The following PCBP3 variants were observed in gnomAD, a reference collection of about 807,000 sequenced individuals.
PCBP3 encodes the protein poly(rC) binding protein 3, also known as poly(rC)-binding protein 3.
PCBP3 carries 25 observed loss-of-function variants against 52.7 expected under a neutral mutation model. The observed-to-expected ratio is 0.47, with a 90% confidence interval of 0.35 to 0.66. PCBP3 has a LOEUF of 0.66. Among genes scored for constraint, PCBP3 ranks in the 30% least tolerant of loss-of-function variants. PCBP3 has a pLI of 0.01. For missense variants in PCBP3, 391 were observed against 490.3 expected (o/e 0.80, Z 1.91); for synonymous variants, 162 against 183.0 (o/e 0.89, Z 0.93).
intron 17 of PCBP3, among the ~76,000 whole-genome samples, chr21:45,940,847 T>C (rs2776402): frequency 0.34 from 45,970 of 135,620 alleles, 7,504 homozygotes; most frequent in African/African-American, 0.5. Flanking sequence ...CGCCGGCCTC[T>C]GATGTAAGGA....
Position 45,917,429 on chromosome 21 carries a change from T to C in PCBP3, c.676-159T>C. On this transcript the variant is annotated intron_variant, in intron 12 of 17. Coordinates refer to ENST00000681687, the MANE Select transcript of PCBP3 (RefSeq NM_001384156.1). This position sits in a 1 kb window ranked among gnomAD's most constrained non-coding sequence, Gnocchi z 5.3. ...GGCTCCCCTGGGGCTCCTGGTGCCC[T>C]GGGAGGGTTGGCCCTTTGTCCTAGG... The C allele has an allele frequency of 2.2e-6, 1 of 445,508 alleles. No homozygotes were observed. Among genetic ancestry groups the C allele is most frequent in the Non-Finnish European group, 4.2e-6 (1 of 237,744 alleles). The allele number at this position is 445,508 out of a possible 1,614,324, so 27.6% of individuals were successfully genotyped here. A position where few individuals can be genotyped will look rare whatever the true frequency, so the allele number is the denominator to read the frequency against.
intron 5 of PCBP3, among the ~76,000 whole-genome samples, chr21:45,876,856 T>C (rs1429417158): frequency 6.6e-6 from 1 of 151,862 alleles, no homozygotes; most frequent in Non-Finnish European, 1.5e-5. Flanking sequence ...CTAACGGGGG[T>C]ATGGCCAGAG....
rs1835998427 is a variant in PCBP3 at position 45,896,271 on chromosome 21, C to T, written c.74C>T (p.Pro25Leu). Residue 25 changes from proline to leucine, a missense_variant, in exon 6 of 18, where the codon CCT becomes CTT. Physicochemically the swap from Pro to Leu is moderately conservative, Grantham distance 98. Coordinates refer to ENST00000681687, the MANE Select transcript of PCBP3 (RefSeq NM_001384156.1). ...HSTLSTLSHH[P>L]QPQFGRRMES... ...ACCCTCAGCACCTTAAGCCACCACC[C>T]TCAGCCACAATTTGGCAGAAGGATG... 1 of 1,552,214 alleles carries T rather than the reference C, an allele frequency of 6.4e-7. No homozygotes were observed. Among genetic ancestry groups the T allele is most frequent in the Admixed American group, 2.0e-5 (1 of 51,020 alleles).
intron 4 of PCBP3, among the ~76,000 whole-genome samples, chr21:45,831,607 T>G (rs2147763370): frequency 6.6e-6 from 1 of 152,302 alleles, no homozygotes. Context: ...ACTGCACTGG[T>G]CATGTTACTG....
chr21:45,717,621 A>G (rs191215216), intron 2 of PCBP3, among the ~76,000 whole-genome samples: 1 of 152,310 alleles, frequency 6.6e-6, no homozygotes, highest in East Asian at 1.9e-4. Context: ...TTCCATTAAT[A>G]TGATGTATTG....
intron 2 of PCBP3, among the ~76,000 whole-genome samples, chr21:45,697,915 T>G (rs938722983): frequency 1.3e-5 from 2 of 152,120 alleles, no homozygotes; most frequent in Non-Finnish European, 2.9e-5. Flanking sequence ...GCCTCATAAG[T>G]GGCCAGGGGT....
intron 1 of PCBP3, among the ~76,000 whole-genome samples, chr21:45,655,500 A>G (rs2079959272): frequency 6.6e-6 from 1 of 152,188 alleles, no homozygotes; most frequent in Admixed American, 6.5e-5. Context: ...GGTATAAATT[A>G]GCATTTCTGT....
At chr21:45,909,765 C>CGG (rs2096296634) in intron 10 of PCBP3, among the ~76,000 whole-genome samples, 1 of 120,318 alleles carries the variant, frequency 8.3e-6, no homozygotes, top group African/African-American at 3.2e-5. Flanking sequence ...GATACGGACC[C>CGG]CCCCCACCCA....
rs4819149 is a variant in PCBP3 at position 45,802,296 on chromosome 21, G to A, written c.-126+46844G>A. Among the ~76,000 whole-genome samples the A allele has an allele frequency of 2.6e-4, 40 of 152,294 alleles. No homozygotes were observed. Among genetic ancestry groups the A allele is most frequent in the African/African-American group, 7.7e-4 (32 of 41,572 alleles). On this transcript the variant is annotated intron_variant, in intron 4 of 17. Coordinates refer to ENST00000681687, the MANE Select transcript of PCBP3 (RefSeq NM_001384156.1). This position sits in a 1 kb window ranked among gnomAD's most constrained non-coding sequence, Gnocchi z 5.1. ...GGTGAGCTAGCTGTCCGGCCCCTGC[G>A]TCAGCACCACCCCTTGCTGTGTTCC...
intron 1 of PCBP3, among the ~76,000 whole-genome samples, chr21:45,648,350 G>T (rs2079456751): frequency 1.3e-5 from 2 of 152,286 alleles, no homozygotes; most frequent in African/African-American, 4.8e-5. Flanking sequence ...TGCCACTTGG[G>T]TATAATTCAG....
In PCBP3 at chr21:45,880,986, C is replaced by CAAA. The variant is rs1025003735; in HGVS notation, c.11-15221_11-15220insAAA. Among the ~76,000 whole-genome samples, 11 of 152,334 alleles carry CAAA rather than the reference C, an allele frequency of 7.2e-5. No individual in the cohort carries two copies. Among genetic ancestry groups the CAAA allele is most frequent in the African/African-American group, 2.6e-4 (11 of 41,576 alleles). On this transcript the variant is annotated intron_variant, in intron 5 of 17. Coordinates refer to ENST00000681687, the MANE Select transcript of PCBP3 (RefSeq NM_001384156.1). The surrounding 1 kb of genome is among the most constrained non-coding windows in gnomAD (Gnocchi z 5.4). ...AGCTCACTGGCAGCGTCAGGCAGCT[C>CAAA]ATGCCCAGCCAAGTGCTCCTGAGTG...
At position 45,928,360 on chromosome 21, in the gene PCBP3, G is replaced by C. The variant is rs2075753915; in HGVS notation, c.718-1557G>C. Among the ~76,000 whole-genome samples, 1 of 152,088 alleles carries C rather than the reference G, an allele frequency of 6.6e-6. No homozygotes were observed. Among genetic ancestry groups the C allele is most frequent in the Non-Finnish European group, 1.5e-5 (1 of 67,996 alleles). ...CCCCCAGCCCAGACCTGGCTGCAAG[G>C]CCAGGGGTTGGGGAGGGGCAGGGCT... On this transcript the variant is annotated intron_variant, in intron 13 of 17. Coordinates refer to ENST00000681687, the MANE Select transcript of PCBP3 (RefSeq NM_001384156.1). This position sits in a 1 kb window ranked among gnomAD's most constrained non-coding sequence, Gnocchi z 4.1.
intron 2 of PCBP3, among the ~76,000 whole-genome samples, chr21:45,683,769 A>G (rs1266572521): frequency 1.3e-5 from 2 of 152,064 alleles, no homozygotes; most frequent in Admixed American, 6.5e-5. Context: ...TACTAAAAAT[A>G]CAAAAAATGA....
At chr21:45,713,922 C>G (rs1019348637) in intron 2 of PCBP3, among the ~76,000 whole-genome samples, 1 of 152,232 alleles carries the variant, frequency 6.6e-6, no homozygotes, top group Non-Finnish European at 1.5e-5. Flanking sequence ...GTTGCCAGGA[C>G]AGCTAGGGGT....
chr21:45,890,515 G>C (rs537174401), intron 5 of PCBP3, among the ~76,000 whole-genome samples: 1 of 151,580 alleles, frequency 6.6e-6, no homozygotes, highest in African/African-American at 2.4e-5. Context: ...CTGCACTGCT[G>C]AGGGGAATGT....
At chr21:45,897,200 C>A (rs183783642) in intron 6 of PCBP3, among the ~76,000 whole-genome samples, 2 of 152,344 alleles carry the variant, frequency 1.3e-5, no homozygotes, top group African/African-American at 4.8e-5. Flanking sequence ...CAAACAGGGA[C>A]CTTCTCCAGC....
Position 45,724,164 on chromosome 21 carries a change from G to A in PCBP3, c.-199-11228G>A, listed in dbSNP as rs893623786. Among the ~76,000 whole-genome samples, 1 of 152,164 alleles carries A rather than the reference G, an allele frequency of 6.6e-6. No individual in the cohort carries two copies. Among genetic ancestry groups the A allele is most frequent in the African/African-American group, 2.4e-5 (1 of 41,454 alleles). On this transcript the variant is annotated intron_variant, in intron 2 of 17. Transcript: ENST00000681687. This position sits in a 1 kb window ranked among gnomAD's most constrained non-coding sequence, Gnocchi z 5.3. The stretch of plus-strand genomic sequence containing the variant: ...CTTCCTGTGGCCTATTTAGGTTTTA[G>A]GTAAAAACATAGCATTTGCTCATTT...
At chr21:45,750,395 A>AGC (rs2087334344) in intron 3 of PCBP3, 2 of 87,686 alleles carry the variant, frequency 2.3e-5, no homozygotes, top group East Asian at 5.1e-4. Context: ...CTGGGAGCAG[A>AGC]CCCCCCCCCC....
chr21:45,782,391 G>T (rs1430506759), intron 4 of PCBP3, among the ~76,000 whole-genome samples: 1 of 152,066 alleles, frequency 6.6e-6, no homozygotes, highest in Admixed American at 6.5e-5. Context: ...GAAACATATA[G>T]GATCTGAAAT....
Sources: allele counts gnomAD v4.1 joint callset (sites outside exome capture counted in the v4.1 genomes callset), GRCh38; gene constraint gnomAD v4.1.1; non-coding constraint Gnocchi (gnomAD v3.1); transcripts MANE v1.5; gene names NCBI Gene and HGNC (gene_info 2026-07-23, HGNC 2026-07-21).